JARID2: variants seen among roughly 807,000 people sequenced by gnomAD.
JARID2 encodes jumonji and AT-rich interaction domain containing 2.
A neutral mutation model predicts 125.6 loss-of-function variants in JARID2; 21 were observed. That is an observed-to-expected ratio of 0.17 (90% CI 0.12 to 0.24). JARID2 has a LOEUF of 0.24. Ranked by LOEUF, JARID2 falls within the 10% of genes least tolerant of loss-of-function variation. The pLI is 1.00. For missense variants in JARID2, 1,303 were observed against 1,639.6 expected (o/e 0.79, Z 3.55); for synonymous variants, 736 against 661.6 (o/e 1.11, Z -1.73).
chr6:15,423,791 G>A (rs1022553869), intron 3 of JARID2, among the ~76,000 whole-genome samples: 1 of 152,130 alleles, frequency 6.6e-6, no homozygotes, highest in Non-Finnish European at 1.5e-5. Context: ...GCTTCCCTTG[G>A]GGCCGTGATA....
At chr6:15,418,562 TTTAAAA>T (rs1766343222) in intron 3 of JARID2, among the ~76,000 whole-genome samples, 1 of 152,226 alleles carries the variant, frequency 6.6e-6, no homozygotes, top group South Asian at 2.1e-4. Context: ...ACTAACAGAC[TTTAAAA>T]TAAAAACTCT....
intron 1 of JARID2, chr6:15,248,780 C>T (rs989738911): frequency 5.0e-5 from 15 of 297,100 alleles, no homozygotes; most frequent in Admixed American, 6.5e-5. Flanking sequence ...TGGAACCTTC[C>T]CCTCCTCCTC....
At position 15,496,575 on chromosome 6, in the gene JARID2, G is replaced by A. The variant is rs369025008; in HGVS notation, c.1350G>A (p.Ala450=). ...SKRRLEEAHQ[A]EKPQSPPKKM... ...GGAGACTGGAAGAGGCACACCAGGC[G>A]GAGAAGCCGCAGTCGCCCCCCAAGA... is the stretch of plus-strand genomic sequence containing the variant. The change falls in exon 7 of 18, where the codon GCG becomes GCA. Residue 450 remains alanine (A), a synonymous_variant. Coordinates refer to ENST00000341776, the MANE Select transcript of JARID2 (RefSeq NM_004973.4). 10 of 1,604,598 alleles carry A rather than the reference G, an allele frequency of 6.2e-6. No homozygotes were observed. Among genetic ancestry groups the A allele is most frequent in the Admixed American group, 1.7e-5 (1 of 58,214 alleles).
intron 3 of JARID2, among the ~76,000 whole-genome samples, chr6:15,443,825 C>G (rs1023601358): frequency 6.6e-6 from 1 of 152,096 alleles, no homozygotes; most frequent in African/African-American, 2.4e-5. Flanking sequence ...CCAGCTTGCC[C>G]TAGGTGACAA....
intron 1 of JARID2, among the ~76,000 whole-genome samples, chr6:15,330,552 A>G (rs550944236): frequency 2.6e-5 from 4 of 152,316 alleles, no homozygotes; most frequent in South Asian, 4.2e-4. Context: ...TAGGTTGGCA[A>G]TCTTAGATTA....
chr6:15,490,708 C>T (rs1182352376), intron 6 of JARID2, among the ~76,000 whole-genome samples: 1 of 152,234 alleles, frequency 6.6e-6, no homozygotes, highest in Non-Finnish European at 1.5e-5. Flanking sequence ...TTTTCTGTTG[C>T]TTTCCTGCAG....
At chr6:15,283,017 T>C (rs147518452) in intron 1 of JARID2, among the ~76,000 whole-genome samples, 3,925 of 152,130 alleles carry the variant, frequency 0.026, 179 homozygotes, top group African/African-American at 0.087. Context: ...CTCACTCTGT[T>C]GCCCAGGCTG....
intron 2 of JARID2, among the ~76,000 whole-genome samples, chr6:15,390,000 T>C (rs1764937732): frequency 6.6e-6 from 1 of 152,234 alleles, no homozygotes; most frequent in Admixed American, 6.5e-5. Context: ...AGTTTCCTTC[T>C]TTGACAACTT....
chr6:15,414,563 C>G (rs1458644026), intron 3 of JARID2, among the ~76,000 whole-genome samples: 1 of 152,126 alleles, frequency 6.6e-6, no homozygotes, highest in African/African-American at 2.4e-5. Context: ...TTTACCTAGC[C>G]ATTGAAAGGT....
intron 2 of JARID2, among the ~76,000 whole-genome samples, chr6:15,397,657 T>G (rs1765268200): frequency 6.6e-6 from 1 of 152,226 alleles, no homozygotes; most frequent in Non-Finnish European, 1.5e-5. Context: ...ATAGAAGGTC[T>G]TTAAACATTT....
chr6:15,348,331 C>T (rs561035879), intron 1 of JARID2, among the ~76,000 whole-genome samples: 10 of 152,258 alleles, frequency 6.6e-5, no homozygotes, highest in African/African-American at 2.4e-4. Context: ...ACCTCGTGAT[C>T]AGTCTGCCTC....
chr6:15,266,948 T>C (rs1760107839), intron 1 of JARID2, among the ~76,000 whole-genome samples: 2 of 152,246 alleles, frequency 1.3e-5, no homozygotes, highest in South Asian at 4.1e-4. Context: ...TTCTCCATTG[T>C]AATGTGGGGT....
intron 1 of JARID2, among the ~76,000 whole-genome samples, chr6:15,345,840 T>C (rs1207559016): frequency 6.6e-6 from 1 of 152,146 alleles, no homozygotes; most frequent in African/African-American, 2.4e-5. Flanking sequence ...GAGCCTTGGG[T>C]GGACCAGAAG....
chr6:15,357,686 G>T (rs937451222), intron 1 of JARID2, among the ~76,000 whole-genome samples: 2 of 152,124 alleles, frequency 1.3e-5, no homozygotes, highest in Non-Finnish European at 2.9e-5. Flanking sequence ...AGAAAAATAA[G>T]AAATCTTTTC....
intron 6 of JARID2, among the ~76,000 whole-genome samples, chr6:15,492,276 T>C (rs1428361938): frequency 6.6e-6 from 1 of 152,230 alleles, no homozygotes; most frequent in Non-Finnish European, 1.5e-5. Flanking sequence ...AAATGTATTG[T>C]CATTCAATGG....
Position 15,275,521 on chromosome 6 carries a change from ACCGCCCCCC to A in JARID2, c.45+28949_45+28957del, listed in dbSNP as rs1287685413. 1.1e-3 allele frequency among the ~76,000 whole-genome samples: 14 copies of A among 12,622 alleles called. 3 individuals are homozygous for A. The highest frequency in any genetic ancestry group is 4.8e-3 in the African/African-American group (14 of 2,892). 8.3% of individuals were successfully genotyped at this position (12,622 alleles called of 152,430 possible). On this transcript the variant is annotated intron_variant, in intron 1 of 17. Coordinates refer to ENST00000341776, the MANE Select transcript of JARID2 (RefSeq NM_004973.4). ...TTCACATTTTAATTAAAGTCCATTT[ACCGCCCCCC>A]CCGCCCCCCCCCCCGTCTTTTGCCT...
chr6:15,420,108 A>G (rs1377696246), intron 3 of JARID2, among the ~76,000 whole-genome samples: 1 of 152,138 alleles, frequency 6.6e-6, no homozygotes, highest in Non-Finnish European at 1.5e-5. Flanking sequence ...TATCTCAGAC[A>G]TTGTTATTAT....
At position 15,423,821 on chromosome 6, in the gene JARID2, T is replaced by G. The variant is rs540824252; in HGVS notation, c.323+13456T>G. ...GTGATAGGGAAGAGGTGTGAACATG[T>G]GTCTGGTGACCAGTGTTTTGGGTTC... On this transcript the variant is annotated intron_variant, in intron 3 of 17. Transcript: ENST00000341776. Among the ~76,000 whole-genome samples, 23 of 152,304 alleles carry G rather than the reference T, an allele frequency of 1.5e-4. No homozygotes were observed. The East Asian group carries it at 4.2e-3, about 28-fold the overall frequency.
Position 15,496,366 on chromosome 6 carries a change from A to C in JARID2, c.1141A>C (p.Ser381Arg). The stretch of plus-strand genomic sequence containing the variant: ...CCACACAATCTCAGGGAAAACTGAA[A>C]GTAGCAATGCAAAAACCCGCAAACA... ...VNHTISGKTE[S>R]SNAKTRKQVL... The change falls in exon 7 of 18, where the codon AGT (serine) becomes CGT (arginine). Residue 381 changes from serine (S) to arginine (R), a missense_variant. Physicochemically the swap from Ser to Arg is moderately radical, Grantham distance 110 (BLOSUM62 -1). Transcript: ENST00000341776. 1 of 1,614,186 alleles carries C rather than the reference A, an allele frequency of 6.2e-7. No individual in the cohort carries two copies. The highest frequency in any genetic ancestry group is 2.2e-5 in the East Asian group (1 of 44,882).
Sources: gnomAD v4.1 joint callset for allele counts (sites outside exome capture counted in the v4.1 genomes callset) on GRCh38, gnomAD v4.1.1 for gene constraint, MANE v1.5 for transcripts, NCBI Gene and HGNC (gene_info 2026-07-23, HGNC 2026-07-21) for gene names.